Variants in CFAP20DC observed in about 807,000 individuals in gnomAD.
CFAP20DC encodes protein CFAP20DC.
CFAP20DC carries 84 observed loss-of-function variants against 101.7 expected under a neutral mutation model. The observed-to-expected ratio is 0.83, with a 90% CI of 0.69 to 0.99. The LOEUF (loss-of-function observed/expected upper bound fraction) is 0.99. Ranked by LOEUF, CFAP20DC falls within the 50% of genes least tolerant of loss-of-function variation. CFAP20DC has a pLI of 0.00. For synonymous variants in CFAP20DC, 359 were observed against 351.2 expected (o/e 1.02, Z -0.25); for missense variants, 1,007 against 970.3 (o/e 1.04, Z -0.50).
chr3:59,027,495 T>C (rs2093896294), intron 4 of CFAP20DC, among the ~76,000 whole-genome samples: 1 of 152,120 alleles, frequency 6.6e-6, no homozygotes, highest in South Asian at 2.1e-4. Context: ...CTTGCTGAGC[T>C]GCATGAAAAT....
intron 4 of CFAP20DC, among the ~76,000 whole-genome samples, chr3:58,956,106 T>G (rs1430136116): frequency 6.6e-6 from 1 of 151,168 alleles, no homozygotes; most frequent in Non-Finnish European, 1.5e-5. Flanking sequence ...TATTCCCAGT[T>G]GTAGTGGCTA....
chr3:58,941,064 C>T (rs530095238), intron 4 of CFAP20DC, among the ~76,000 whole-genome samples: 1 of 152,108 alleles, frequency 6.6e-6, no homozygotes, highest in Non-Finnish European at 1.5e-5. Context: ...GGCGCAGTGG[C>T]TCATGCCTGA....
At chr3:58,862,905 A>T (rs1405979483) in intron 12 of CFAP20DC, 1 of 977,616 alleles carries the variant, frequency 1.0e-6, no homozygotes, top group Non-Finnish European at 1.2e-6. Flanking sequence ...TAGGTTTTAA[A>T]CAAATATTTC....
Position 58,831,795 on chromosome 3 carries a change from T to A in CFAP20DC, c.2066A>T (p.Glu689Val), listed in dbSNP as rs752992842. 53 of 1,613,960 alleles carry A rather than the reference T, an allele frequency of 3.3e-5. No homozygotes were observed. Among genetic ancestry groups the A allele is most frequent in the Non-Finnish European group, 4.2e-5 (50 of 1,179,962 alleles). ...CAGGCCATGGGAGGTCCCAGCATCC[T>A]CCAGTTCTTCATTTTGTTGCCACCG... is the stretch of plus-strand genomic sequence containing the variant. ...SLRWQQNEEL[E>V]DAGTSHGLSA... The change falls in exon 14 of 17, where the codon GAG becomes GTG. Residue 689 changes from glutamate to valine, a missense_variant. Coordinates refer to ENST00000482387, the MANE Select transcript of CFAP20DC (RefSeq NM_001394063.1).
intron 14 of CFAP20DC, chr3:58,824,297 AT>A (rs1303931404): frequency 6.6e-6 from 1 of 152,172 alleles, no homozygotes; most frequent in East Asian, 1.9e-4. Context: ...AATATATTAT[AT>A]TTTGAATACA....
Position 58,870,307 on chromosome 3 carries a change from G to C in CFAP20DC, c.718C>G (p.Gln240Glu). 1 of 1,613,074 alleles carries C rather than the reference G, an allele frequency of 6.2e-7. No homozygotes were observed. The highest frequency in any genetic ancestry group is 8.5e-7 in the Non-Finnish European group (1 of 1,179,236). ...GHPLRSAESD[Q>E]FINRGTSITR... ...ATACTTGTTCCTCTGTTAATGAACTGATCTGTTTTGTTAAAGGAAGGTAAT... is the reference window on the plus strand; with the variant it reads ...ATACTTGTTCCTCTGTTAATGAACTCATCTGTTTTGTTAAAGGAAGGTAAT... Residue 240 changes from glutamine (Q) to glutamate (E), a missense_variant and splice_region_variant, in exon 8 of 17, where the codon CAG (glutamine) becomes GAG (glutamate). Coordinates refer to ENST00000482387, the MANE Select transcript of CFAP20DC (RefSeq NM_001394063.1).
intron 15 of CFAP20DC, among the ~76,000 whole-genome samples, chr3:58,760,809 T>C (rs932117322): frequency 2.5e-4 from 38 of 152,362 alleles, no homozygotes; most frequent in African/African-American, 8.9e-4. Flanking sequence ...GTTTTTGTCA[T>C]TGGTTCTGTT....
downstream of CFAP20DC, among the ~76,000 whole-genome samples, chr3:58,739,219 C>T (rs1235635370): frequency 6.6e-6 from 1 of 152,112 alleles, no homozygotes; most frequent in African/African-American, 2.4e-5. Flanking sequence ...TGATCTGATG[C>T]CACTATTGCT....
intron 4 of CFAP20DC, among the ~76,000 whole-genome samples, chr3:59,026,185 T>A (rs571539145): frequency 6.6e-6 from 1 of 152,168 alleles, no homozygotes; most frequent in Admixed American, 6.5e-5. Flanking sequence ...GTTTAAATAC[T>A]GATTTTTTTA....
chr3:58,851,021 GC>G (rs1350298288), intron 12 of CFAP20DC, among the ~76,000 whole-genome samples: 2 of 152,126 alleles, frequency 1.3e-5, no homozygotes, highest in East Asian at 3.8e-4. Context: ...ATCTACAAAA[GC>G]TTTTAATTAG....
chr3:58,813,321 A>T (rs948043716), intron 14 of CFAP20DC, among the ~76,000 whole-genome samples: 6 of 152,000 alleles, frequency 3.9e-5, no homozygotes, highest in Non-Finnish European at 7.3e-5. Context: ...CTATAACGGG[A>T]AAAAATTCCA....
At chr3:58,751,536 C>T (rs1252598950) in intron 16 of CFAP20DC, among the ~76,000 whole-genome samples, 3 of 152,118 alleles carry the variant, frequency 2.0e-5, no homozygotes, top group Non-Finnish European at 4.4e-5. Flanking sequence ...GACAGGTGAC[C>T]AGAGGTATCT....
At chr3:58,806,326 C>A (rs996219175) in intron 15 of CFAP20DC, 69 bp downstream of exon 15, 1 of 1,099,854 alleles carries the variant, frequency 9.1e-7, no homozygotes. Flanking sequence ...TTCAGAAAAC[C>A]AAGAAAAATG....
intron 3 of CFAP20DC, among the ~76,000 whole-genome samples, chr3:58,736,657 C>T (rs553131498): frequency 3.3e-5 from 5 of 152,206 alleles, no homozygotes; most frequent in Non-Finnish European, 7.3e-5. Flanking sequence ...CTAATTTCTC[C>T]TGATCCACCT....
chr3:58,845,052 A>G (rs2108245387), intron 13 of CFAP20DC, among the ~76,000 whole-genome samples: 1 of 140,248 alleles, frequency 7.1e-6, no homozygotes, highest in Middle Eastern at 3.6e-3. Flanking sequence ...TGCCCACAAG[A>G]GAAAGCAGGA....
chr3:58,915,908 T>C (rs1051401272), intron 5 of CFAP20DC, among the ~76,000 whole-genome samples: 1 of 152,048 alleles, frequency 6.6e-6, no homozygotes, highest in Admixed American at 6.6e-5. Flanking sequence ...CTTCCTAATA[T>C]GGTAGATAAG....
At position 58,752,347 on chromosome 3, in the gene CFAP20DC, C is replaced by G. The variant is rs867764111; in HGVS notation, c.2332+1422G>C. ...GTGACAGGCAGAAGGGATGCTTGAT[C>G]TGGATAACACTGGCCAGCACATTTC... is the stretch of plus-strand genomic sequence containing the variant. On this transcript the variant is annotated intron_variant, in intron 16 of 16. Transcript: ENST00000482387. Among the ~76,000 whole-genome samples the G allele has an allele frequency of 5.3e-5, 8 of 152,136 alleles. No homozygotes were observed. In the South Asian group the frequency reaches 1.0e-3, roughly 20 times the overall value.
At chr3:58,959,851 A>G (rs2090980114) in intron 4 of CFAP20DC, among the ~76,000 whole-genome samples, 1 of 152,238 alleles carries the variant, frequency 6.6e-6, no homozygotes, top group African/African-American at 2.4e-5. Context: ...GAAGATTGTC[A>G]TCTTAACAAT....
At chr3:59,009,737 AT>A (rs1032422061) in intron 4 of CFAP20DC, among the ~76,000 whole-genome samples, 4 of 152,196 alleles carry the variant, frequency 2.6e-5, no homozygotes, top group African/African-American at 9.6e-5. Context: ...GGGGAAATTC[AT>A]AGCACAAAGA....
Sources: gnomAD v4.1 joint callset for allele counts (sites outside exome capture counted in the v4.1 genomes callset) on GRCh38, gnomAD v4.1.1 for gene constraint, MANE v1.5 for transcripts, NCBI Gene and HGNC (gene_info 2026-07-23, HGNC 2026-07-21) for gene names.